The following BMPR2 variants were observed in gnomAD, a reference collection of about 807,000 sequenced individuals.
BMPR2 encodes the protein bone morphogenetic protein receptor type-2.
BMPR2 carries 29 observed loss-of-function variants against 100.8 expected under a neutral mutation model. The ratio of observed to expected loss-of-function variants is 0.29; its 90% CI spans 0.21 to 0.39. The LOEUF (loss-of-function observed/expected upper bound fraction) is 0.39. Ranked by LOEUF, BMPR2 falls within the 10% of genes least tolerant of loss-of-function variation. The pLI, the probability that BMPR2 is intolerant of heterozygous loss-of-function variation, is 1.00. For synonymous variants in BMPR2, 382 were observed against 442.3 expected (o/e 0.86, Z 1.71); for missense variants, 1,011 against 1,274.5 (o/e 0.79, Z 3.15).
Position 202,549,936 on chromosome 2 carries a change from C to G in BMPR2, c.1414-2780C>G, listed in dbSNP as rs114803057. 6.2e-3 allele frequency among the ~76,000 whole-genome samples: 947 copies of G among 152,042 alleles called. 12 individuals carry two copies. The highest frequency in any genetic ancestry group is 0.021 in the African/African-American group (884 of 41,440). The stretch of plus-strand genomic sequence containing the variant: ...GGGTGGTGGAGGGAGTACAGAGTCT[C>G]ATTGTATCACCCAGGCTGGAGTACA... On this transcript the variant is annotated intron_variant, in intron 10 of 12. Coordinates refer to ENST00000374580, the MANE Select transcript of BMPR2 (RefSeq NM_001204.7).
At chr2:202,430,994 A>G (rs1691491932) in intron 1 of BMPR2, among the ~76,000 whole-genome samples, 1 of 150,360 alleles carries the variant, frequency 6.7e-6, no homozygotes, top group Non-Finnish European at 1.5e-5. Context: ...CTTAATCTAT[A>G]TTTTAAGAAC....
chr2:202,434,789 A>ATTT (rs1291531231), intron 1 of BMPR2, among the ~76,000 whole-genome samples: 1 of 136,922 alleles, frequency 7.3e-6, no homozygotes, highest in Non-Finnish European at 1.5e-5. Context: ...TGCCTGGCTA[A>ATTT]TTTTGTTTAT....
intron 1 of BMPR2, among the ~76,000 whole-genome samples, chr2:202,400,003 C>T (rs1690737300): frequency 6.6e-6 from 1 of 152,102 alleles, no homozygotes; most frequent in African/African-American, 2.4e-5. Context: ...CACAGCTGCT[C>T]AGGAGCCTGA....
chr2:202,529,487 C>A (rs1687978664), intron 7 of BMPR2, among the ~76,000 whole-genome samples: 1 of 152,044 alleles, frequency 6.6e-6, no homozygotes, highest in Non-Finnish European at 1.5e-5. Flanking sequence ...ATGAGTTTTC[C>A]TATATAAATA....
At chr2:202,409,600 G>T (rs752316278) in intron 1 of BMPR2, among the ~76,000 whole-genome samples, 8 of 151,974 alleles carry the variant, frequency 5.3e-5, no homozygotes, top group African/African-American at 1.9e-4. Flanking sequence ...TATGATCTCC[G>T]AAACAAACGA....
In BMPR2 at chr2:202,453,583, T is replaced by C. The variant is rs115575965; in HGVS notation, c.77-11226T>C. Among the ~76,000 whole-genome samples, 1,125 of 152,274 alleles carry C rather than the reference T, an allele frequency of 7.4e-3. 13 individuals carry two copies. The highest frequency in any genetic ancestry group is 0.026 in the African/African-American group (1,067 of 41,558). ...AAAGACAAATTTTGCATGTTCTTAC[T>C]TGTTTGTGGGAGCTCAAAATTAAAA... is the stretch of plus-strand genomic sequence containing the variant. On this transcript the variant is annotated intron_variant, in intron 1 of 12. Transcript: ENST00000374580.
chr2:202,497,633 G>A (rs1693069030), intron 3 of BMPR2, among the ~76,000 whole-genome samples: 1 of 152,158 alleles, frequency 6.6e-6, no homozygotes, highest in Non-Finnish European at 1.5e-5. Context: ...GCGGCCATGG[G>A]CAGAACTCTC....
chr2:202,520,232 CAT>C (rs762780912), intron 7 of BMPR2, 31 bp downstream of exon 7: 3 of 1,471,622 alleles, frequency 2.0e-6, no homozygotes, highest in Middle Eastern at 1.7e-4. Context: ...AATTGACACT[CAT>C]GTGGGTTCAA....
chr2:202,400,481 T>C (rs1178642788), intron 1 of BMPR2, among the ~76,000 whole-genome samples: 1 of 152,110 alleles, frequency 6.6e-6, no homozygotes, highest in African/African-American at 2.4e-5. Context: ...CAGAATTAGA[T>C]TTGAATTGAA....
chr2:202,547,781 CAAAAAA>C (rs373601864), intron 10 of BMPR2, among the ~76,000 whole-genome samples: 1 of 56,904 alleles, frequency 1.8e-5, no homozygotes, highest in Non-Finnish European at 3.2e-5. Flanking sequence ...AGATCCATCA[CAAAAAA>C]AAAAAAAAAA....
At chr2:202,519,802 A>C (rs1687787902) in intron 6 of BMPR2, among the ~76,000 whole-genome samples, 1 of 152,226 alleles carries the variant, frequency 6.6e-6, no homozygotes, top group Non-Finnish European at 1.5e-5. Flanking sequence ...TTTCTATCTT[A>C]ATTTGATCAA....
At chr2:202,511,072 G>T (rs940466606) in intron 3 of BMPR2, among the ~76,000 whole-genome samples, 6 of 146,750 alleles carry the variant, frequency 4.1e-5, no homozygotes, top group Non-Finnish European at 8.9e-5. Context: ...TCATAGTGTT[G>T]TGCAACTATT....
At chr2:202,488,075 CCATT>C (rs1692817141) in intron 3 of BMPR2, among the ~76,000 whole-genome samples, 1 of 152,194 alleles carries the variant, frequency 6.6e-6, no homozygotes, top group Non-Finnish European at 1.5e-5. Flanking sequence ...ATTCATGTAT[CCATT>C]CATTCATTCA....
Position 202,495,471 on chromosome 2 carries a change from G to A in BMPR2, c.419-18248G>A, listed in dbSNP as rs1286439486. ...TCTCGACGACCAGCCACTTTCTTCCGCCGATGTGCTCCTCTTTACGTCTGG... is the reference window on the plus strand; with the variant it reads ...TCTCGACGACCAGCCACTTTCTTCCACCGATGTGCTCCTCTTTACGTCTGG... On this transcript the variant is annotated intron_variant, in intron 3 of 12. Coordinates refer to ENST00000374580, the MANE Select transcript of BMPR2 (RefSeq NM_001204.7). This position sits in a 1 kb window ranked among gnomAD's most constrained non-coding sequence, Gnocchi z 4.5. Among the ~76,000 whole-genome samples, 2 of 152,144 alleles carry A rather than the reference G, an allele frequency of 1.3e-5. No individual in the cohort carries two copies. Among genetic ancestry groups the A allele is most frequent in the Non-Finnish European group, 2.9e-5 (2 of 68,032 alleles).
intron 3 of BMPR2, among the ~76,000 whole-genome samples, chr2:202,487,726 A>T (rs955475949): frequency 2.0e-5 from 3 of 152,242 alleles, no homozygotes; most frequent in Non-Finnish European, 4.4e-5. Context: ...GCAAATTATT[A>T]AAATGATTGC....
At chr2:202,399,129 G>C (rs1377030235) in intron 1 of BMPR2, among the ~76,000 whole-genome samples, 1 of 149,664 alleles carries the variant, frequency 6.7e-6, no homozygotes, top group Non-Finnish European at 1.5e-5. Context: ...ACTGTCTCAA[G>C]AGAAAAAAAA....
chr2:202,466,937 A>C (rs1393994068), intron 2 of BMPR2: 1 of 156,996 alleles, frequency 6.4e-6, no homozygotes, highest in Non-Finnish European at 1.4e-5. Context: ...TTTGGTATAG[A>C]CAAAAATGAA....
intron 9 of BMPR2, among the ~76,000 whole-genome samples, chr2:202,537,696 T>A (rs188468306): frequency 1.5e-3 from 225 of 148,756 alleles, no homozygotes; most frequent in Admixed American, 4.3e-3. Flanking sequence ...TCTACCACGA[T>A]AAAAAAAAAA....
intron 5 of BMPR2, among the ~76,000 whole-genome samples, chr2:202,515,851 T>C (rs1304170626): frequency 6.6e-6 from 1 of 152,092 alleles, no homozygotes; most frequent in Non-Finnish European, 1.5e-5. Flanking sequence ...ATCACGCCAC[T>C]GCACTCTAGG....
Sources: allele counts gnomAD v4.1 joint callset (sites outside exome capture counted in the v4.1 genomes callset), GRCh38; gene constraint gnomAD v4.1.1; non-coding constraint Gnocchi (gnomAD v3.1); transcripts MANE v1.5; gene names NCBI Gene and HGNC (gene_info 2026-07-23, HGNC 2026-07-21).